The following PPEF2 variants were observed in gnomAD, a reference collection of about 807,000 sequenced individuals.
PPEF2 encodes the protein serine/threonine-protein phosphatase with EF-hands 2.
Under a neutral mutation model 84.7 loss-of-function variants are expected in PPEF2, and 84 were observed. The ratio of observed to expected loss-of-function variants is 0.99; its 90% CI spans 0.83 to 1.19. The LOEUF (loss-of-function observed/expected upper bound fraction) is 1.19, where lower values mean the gene tolerates loss of function less well. Ranked by LOEUF, PPEF2 falls within the 50% of genes most tolerant of loss-of-function variation. The pLI, the probability that PPEF2 is intolerant of heterozygous loss-of-function variation, is 0.00. For synonymous variants in PPEF2, 346 were observed against 345.2 expected (o/e 1.00, Z -0.03); for missense variants, 924 against 937.5 (o/e 0.99, Z 0.19).
rs1332026190 is a variant in PPEF2 at position 75,867,373 on chromosome 4, G to C, written c.1696C>G (p.Leu566Val). ...ESALRALREK[L>V]FAHSSDLLSE... is the part of the protein sequence containing the mutation. ...AGAAGATCTGAAGAATGAGCAAACA[G>C]CTTCTCCCTCAGAGCTCTCAGAGCC... Residue 566 changes from leucine to valine, a missense_variant, in exon 14 of 17, where the codon CTG becomes GTG. By Grantham distance (32) the Leu-to-Val change is conservative. Transcript: ENST00000286719. 1 of 1,613,894 alleles carries C rather than the reference G, an allele frequency of 6.2e-7. No homozygotes were observed. Among genetic ancestry groups the C allele is most frequent in the Non-Finnish European group, 8.5e-7 (1 of 1,179,972 alleles).
At chr4:75,887,873 G>A (rs372484873) in intron 6 of PPEF2, among the ~76,000 whole-genome samples, 1 of 152,132 alleles carries the variant, frequency 6.6e-6, no homozygotes, top group Non-Finnish European at 1.5e-5. Flanking sequence ...GCTAGTCATC[G>A]GGGCTTTCTC....
At position 75,874,902 on chromosome 4, in the gene PPEF2, C is replaced by CTT. The variant is rs547098807; in HGVS notation, c.1320+1383_1320+1384dup. Among the ~76,000 whole-genome samples, 266 of 138,082 alleles carry CTT rather than the reference C, an allele frequency of 1.9e-3. 2 individuals carry two copies. Among genetic ancestry groups the CTT allele is most frequent in the African/African-American group, 6.6e-3 (242 of 36,760 alleles). The allele number at this position is 138,082 out of a possible 152,430, so 90.6% of individuals were successfully genotyped here. On this transcript the variant is annotated intron_variant, in intron 11 of 16. Transcript: ENST00000286719. The stretch of plus-strand genomic sequence containing the variant: ...TAAATAATTCTGAATTTCTTTCTTT[C>CTT]TTTTTTTTTTTTTTTTTGAGACGGA...
At chr4:75,893,842 G>A (rs1724947535) in intron 2 of PPEF2, among the ~76,000 whole-genome samples, 1 of 139,488 alleles carries the variant, frequency 7.2e-6, no homozygotes, top group African/African-American at 2.5e-5. Context: ...CAGCAGAAGT[G>A]GGCAACACCT....
Position 75,860,580 on chromosome 4 carries a change from G to A in PPEF2, c.*87C>T, listed in dbSNP as rs1316098201. ...TGGATAGGTAAATTTTCAGCATAAA[G>A]TTTCACATGGAGAATAAGGGAGATA... is the stretch of plus-strand genomic sequence containing the variant. On this transcript the variant is annotated 3_prime_UTR_variant, in exon 17 of 17. Transcript: ENST00000286719. The A allele has an allele frequency of 4.0e-6, 6 of 1,517,842 alleles. No homozygotes were observed. Among genetic ancestry groups the A allele is most frequent in the Non-Finnish European group, 5.4e-6 (6 of 1,115,260 alleles). 94.0% of individuals were successfully genotyped at this position (1,517,842 alleles called of 1,614,324 possible).
intron 8 of PPEF2, 136 bp downstream of exon 8, chr4:75,884,458 T>A (rs1431642335): frequency 2.9e-6 from 3 of 1,041,922 alleles, no homozygotes; most frequent in Non-Finnish European, 4.1e-6. Flanking sequence ...GAATGTTATA[T>A]ACTGTGTATT....
rs1048736458 is a variant in PPEF2, at chr4:75,880,071, G to A, written c.933+2855C>T. On this transcript the variant is annotated intron_variant, in intron 10 of 16. Transcript: ENST00000286719. ...TCTCCATCTCTTGACCTCGTGATCC[G>A]CCCGCCTCGGCCTCCCAAAATGCTG... Among the ~76,000 whole-genome samples the A allele has an allele frequency of 6.6e-5, 10 of 152,114 alleles. 1 individual carries two copies. The South Asian group carries it at 1.0e-3, about 16-fold the overall frequency.
chr4:75,876,700 A>C (rs765331993), intron 10 of PPEF2, 27 bp from the exon 11 acceptor site: 3 of 1,511,830 alleles, frequency 2.0e-6, no homozygotes, highest in East Asian at 2.3e-5. Flanking sequence ...AGAGATACAG[A>C]TGCTGGAATG....
chr4:75,861,516 C>T (rs1560477862), intron 16 of PPEF2, among the ~76,000 whole-genome samples: 1 of 148,760 alleles, frequency 6.7e-6, no homozygotes, highest in Non-Finnish European at 1.5e-5. Context: ...AAAAAACTAA[C>T]TCTATATGGA....
At chr4:75,896,761 C>G (rs994169104) in intron 1 of PPEF2, among the ~76,000 whole-genome samples, 3 of 152,212 alleles carry the variant, frequency 2.0e-5, no homozygotes, top group Non-Finnish European at 4.4e-5. Flanking sequence ...CTCAAAATCA[C>G]CTTTTTCATC....
At chr4:75,894,648 G>A (rs75873273) in intron 2 of PPEF2, among the ~76,000 whole-genome samples, 5,268 of 152,216 alleles carry the variant, frequency 0.035, 246 homozygotes, top group African/African-American at 0.1. Context: ...ACACCTGTAT[G>A]GGGATGAGAG....
chr4:75,891,036 C>A (rs1336303483), intron 4 of PPEF2, among the ~76,000 whole-genome samples: 1 of 152,014 alleles, frequency 6.6e-6, no homozygotes, highest in Non-Finnish European at 1.5e-5. Context: ...TATAAAAAAT[C>A]AGCCAGGTGT....
intron 12 of PPEF2, among the ~76,000 whole-genome samples, chr4:75,872,544 T>A (rs1294341819): frequency 6.6e-6 from 1 of 152,182 alleles, no homozygotes; most frequent in African/African-American, 2.4e-5. Context: ...ATGTGGTGCC[T>A]TAAAGCAGTT....
chr4:75,866,150 G>A (rs373018128), intron 15 of PPEF2, 39 bp downstream of exon 15: 8 of 1,565,694 alleles, frequency 5.1e-6, no homozygotes, highest in South Asian at 4.9e-5. Flanking sequence ...GAGTATCATA[G>A]TCCACATGTG....
At chr4:75,886,208 C>G (rs1362482156) in intron 7 of PPEF2, among the ~76,000 whole-genome samples, 1 of 152,254 alleles carries the variant, frequency 6.6e-6, no homozygotes, top group Middle Eastern at 3.4e-3. Context: ...CCCGCCCAGG[C>G]TGAACCACAG....
At chr4:75,877,763 T>C (rs1362553507) in intron 10 of PPEF2, among the ~76,000 whole-genome samples, 4 of 152,168 alleles carry the variant, frequency 2.6e-5, no homozygotes, top group African/African-American at 9.6e-5. Context: ...TTGTTTTACA[T>C]ATTATTTCAT....
chr4:75,869,248 T>A (rs1724208386), intron 13 of PPEF2, among the ~76,000 whole-genome samples: 1 of 152,170 alleles, frequency 6.6e-6, no homozygotes, highest in African/African-American at 2.4e-5. Context: ...TTGAAAGCTA[T>A]CTGGATGTAC....
intron 11 of PPEF2, among the ~76,000 whole-genome samples, chr4:75,874,995 G>A (rs1448011631): frequency 6.7e-6 from 1 of 150,050 alleles, no homozygotes. Context: ...TCTGCCTCCT[G>A]GGTGCGTGAC....
At chr4:75,897,976 C>A (rs6851970) in intron 1 of PPEF2, among the ~76,000 whole-genome samples, 114,121 of 152,116 alleles carry the variant, frequency 0.75, 44,100 homozygotes, top group East Asian at 0.98. Context: ...GTATTTATTA[C>A]CAGCAAGCCA....
intron 2 of PPEF2, among the ~76,000 whole-genome samples, chr4:75,893,881 C>T (rs918755567): frequency 6.8e-5 from 8 of 117,562 alleles, no homozygotes; most frequent in Non-Finnish European, 1.2e-4. Flanking sequence ...TTCTTCCTCC[C>T]GGTTGACTAT....
Sources: gnomAD v4.1 joint callset for allele counts (sites outside exome capture counted in the v4.1 genomes callset) on GRCh38, gnomAD v4.1.1 for gene constraint, MANE v1.5 for transcripts, NCBI Gene and HGNC (gene_info 2026-07-23, HGNC 2026-07-21) for gene names.